The following CASP6 variants were observed in gnomAD, a reference collection of about 807,000 sequenced individuals.
CASP6 encodes the protein caspase-6.
A neutral mutation model predicts 31.8 loss-of-function variants in CASP6; 20 were observed. That is an observed-to-expected ratio of 0.63 (90% CI 0.44 to 0.91). The LOEUF (loss-of-function observed/expected upper bound fraction) is 0.91, where lower values mean the gene tolerates loss of function less well. Ranked by LOEUF, CASP6 falls within the 40% of genes least tolerant of loss-of-function variation. The pLI, the probability that CASP6 is intolerant of heterozygous loss-of-function variation, is 0.00. For missense variants in CASP6, 328 were observed against 361.1 expected (o/e 0.91, Z 0.74); for synonymous variants, 130 against 127.8 (o/e 1.02, Z -0.12).
At chr4:109,691,089 G>C in intron 5 of CASP6, 80 bp from the exon 6 acceptor site, 1 of 1,409,214 alleles carries the variant, frequency 7.1e-7, no homozygotes, top group South Asian at 1.5e-5. Flanking sequence ...GAATGTGTAA[G>C]CCAGTACCCC....
chr4:109,706,907 AAAAC>A (rs1335128755), upstream of CASP6, among the ~76,000 whole-genome samples: 5 of 150,610 alleles, frequency 3.3e-5, no homozygotes, highest in East Asian at 1.9e-4. Flanking sequence ...ACTCCATCTC[AAAAC>A]AAACAAAAAA....
chr4:109,695,127 G>A (rs927757871), intron 4 of CASP6, among the ~76,000 whole-genome samples: 7 of 152,002 alleles, frequency 4.6e-5, no homozygotes, highest in Non-Finnish European at 7.4e-5. Flanking sequence ...CACCATGCCC[G>A]GCCTACTCTT....
downstream of CASP6, chr4:109,685,211 C>A (rs777001008): frequency 3.5e-6 from 3 of 853,730 alleles, no homozygotes; most frequent in South Asian, 2.8e-5. Flanking sequence ...TATGTTCATT[C>A]AAAACATGTT....
At chr4:109,665,069 T>C in the CASP6 span, among the ~76,000 whole-genome samples, 1 of 152,202 alleles carries the variant, frequency 6.6e-6, no homozygotes, top group Non-Finnish European at 1.5e-5. Context: ...CACACCAGAC[T>C]GGTATATTTA....
chr4:109,697,317 C>G (rs926576452), intron 3 of CASP6, among the ~76,000 whole-genome samples: 2 of 151,112 alleles, frequency 1.3e-5, no homozygotes, highest in Non-Finnish European at 3.0e-5. Flanking sequence ...TGTTGCCCAG[C>G]CTGGAGTGCA....
chr4:109,697,794 T>C (rs1230308881), intron 2 of CASP6, 26 bp from the exon 3 acceptor site: 1 of 1,604,362 alleles, frequency 6.2e-7, no homozygotes, highest in African/African-American at 1.3e-5. Context: ...TGAAAAACAA[T>C]CACTTCAAGT....
chr4:109,681,427 T>C, the CASP6 span: 2 of 451,882 alleles, frequency 4.4e-6, no homozygotes, highest in Admixed American at 2.4e-5. Flanking sequence ...CTTTGTTCTT[T>C]CTGGTAGAGA....
chr4:109,680,805 G>A, the CASP6 span, among the ~76,000 whole-genome samples: 1 of 152,174 alleles, frequency 6.6e-6, no homozygotes, highest in Non-Finnish European at 1.5e-5. Flanking sequence ...GTTGTTTGCT[G>A]CTGCCTGGTG....
chr4:109,666,039 C>T, the CASP6 span, among the ~76,000 whole-genome samples: 7 of 151,886 alleles, frequency 4.6e-5, no homozygotes, highest in South Asian at 2.1e-4. Flanking sequence ...AGGGAGGAGA[C>T]GAGGCAGTAA....
chr4:109,687,550 C>CT, downstream of CASP6: 5 of 1,612,902 alleles, frequency 3.1e-6, no homozygotes, highest in Non-Finnish European at 3.4e-6. Flanking sequence ...GTCATTCTCT[C>CT]TGTTTGCAAA....
chr4:109,690,992 C>CTGGT lies in CASP6; in HGVS notation c.497_500dup (p.His168ProfsTer14). ...CCAAAGGAATGACTGGCACATCGTGCTGGTTTCCCCGACATGCCTACAAGA... is the reference window on the plus strand; with the variant it reads ...CCAAAGGAATGACTGGCACATCGTGCTGGTTGGTTTCCCCGACATGCCTACAAGA... On this transcript the variant is annotated frameshift_variant, in exon 6 of 7. Transcript: ENST00000265164. LOFTEE classifies it high-confidence loss of function. The CTGGT allele has an allele frequency of 1.2e-6, 2 of 1,611,148 alleles. No individual in the cohort carries two copies. The highest frequency in any genetic ancestry group is 1.7e-6 in the Non-Finnish European group (2 of 1,178,822).
the CASP6 span, chr4:109,681,384 G>A: frequency 2.3e-6 from 1 of 427,588 alleles, no homozygotes; most frequent in South Asian, 1.7e-5. Context: ...TCTCCAAGCT[G>A]AAAAGGGTCT....
At chr4:109,687,950 AGG>A (rs1257530149), downstream of CASP6, 4 of 169,942 alleles carry the variant, frequency 2.4e-5, no homozygotes, top group African/African-American at 9.5e-5. Context: ...ATCAGAGACC[AGG>A]TCTTGCCAAA....
chr4:109,706,131 T>TATATATATATATATATATATATATA (rs60918624), upstream of CASP6, among the ~76,000 whole-genome samples: 2 of 36,108 alleles, frequency 5.5e-5, no homozygotes, highest in African/African-American at 1.3e-4. Context: ...CCTATCCATT[T>TATATATATATATATATATATATATA]TATATATATA....
the CASP6 span, among the ~76,000 whole-genome samples, chr4:109,708,731 T>C: frequency 6.6e-6 from 1 of 152,244 alleles, no homozygotes; most frequent in Non-Finnish European, 1.5e-5. Context: ...ATTACTACTA[T>C]AGTCTATGTG....
At chr4:109,694,165 T>C (rs1730165397) in intron 5 of CASP6, among the ~76,000 whole-genome samples, 1 of 152,210 alleles carries the variant, frequency 6.6e-6, no homozygotes, top group Non-Finnish European at 1.5e-5. Flanking sequence ...GTTTATATGC[T>C]CTCCACCTCC....
At chr4:109,681,671 C>A in the CASP6 span, among the ~76,000 whole-genome samples, 1 of 152,204 alleles carries the variant, frequency 6.6e-6, no homozygotes, top group African/African-American at 2.4e-5. Flanking sequence ...GGCACTTAGC[C>A]GTGCAGGAAC....
Position 109,689,491 on chromosome 4 carries a change from A to G in CASP6, c.721T>C (p.Ser241Pro), listed in dbSNP as rs1579104587. 1 of 1,614,170 alleles carries G rather than the reference A, an allele frequency of 6.2e-7. No individual in the cohort carries two copies. The highest frequency in any genetic ancestry group is 8.5e-7 in the Non-Finnish European group (1 of 1,180,038). ...AGGAGTTCTGTGAACTCTAAGGAGG[A>G]GCCATATTTTCCCAACATCTCACAC... ...DLCEMLGKYGSSLEFTELLTL... is the reference protein window; with the variant it reads ...DLCEMLGKYGPSLEFTELLTL... The change falls in exon 7 of 7, where the codon TCC (serine) becomes CCC (proline). Residue 241 changes from serine to proline, a missense_variant. Ser to Pro is a moderately conservative substitution (Grantham distance 74). Transcript: ENST00000265164.
At chr4:109,681,672 G>T in the CASP6 span, among the ~76,000 whole-genome samples, 1,377 of 152,318 alleles carry the variant, frequency 9.0e-3, 30 homozygotes, top group African/African-American at 0.031. Context: ...GCACTTAGCC[G>T]TGCAGGAACA....
Sources: gnomAD v4.1 joint callset for allele counts (sites outside exome capture counted in the v4.1 genomes callset) on GRCh38, gnomAD v4.1.1 for gene constraint, MANE v1.5 for transcripts, NCBI Gene and HGNC (gene_info 2026-07-23, HGNC 2026-07-21) for gene names.